Variants in ATPAF2 observed in about 807,000 individuals in gnomAD.
ATPAF2 encodes ATP synthase mitochondrial F1 complex assembly factor 2, also known as ATP12 homolog.
ATPAF2 carries 30 observed loss-of-function variants against 36.6 expected under a neutral mutation model. That is an observed-to-expected ratio of 0.82 (90% CI 0.61 to 1.11). The LOEUF is 1.11. ATPAF2 is among the 50% of genes most tolerant of loss of function. The pLI, the probability that ATPAF2 is intolerant of heterozygous loss-of-function variation, is 0.00. For synonymous variants in ATPAF2, 140 were observed against 152.6 expected (o/e 0.92, Z 0.61); for missense variants, 321 against 372.3 (o/e 0.86, Z 1.13).
chr17:18,026,300 C>T lies in ATPAF2; in HGVS notation c.422+19G>A. The T allele has an allele frequency of 6.3e-7, 1 of 1,594,374 alleles. No homozygotes were observed. Among genetic ancestry groups the T allele is most frequent in the African/African-American group, 1.3e-5 (1 of 74,628 alleles). On this transcript the variant is annotated intron_variant, in intron 4 of 7. Coordinates refer to ENST00000474627, the MANE Select transcript of ATPAF2 (RefSeq NM_145691.4). ...AATAGCCTCAATCCAAGGGGAATGCCCATCTAAATGTCCATTACCAGATGG... is the reference window on the plus strand; with the variant it reads ...AATAGCCTCAATCCAAGGGGAATGCTCATCTAAATGTCCATTACCAGATGG...
intron 3 of ATPAF2, chr17:18,026,761 C>T: frequency 2.6e-6 from 1 of 381,522 alleles, no homozygotes; most frequent in East Asian, 5.8e-5. Context: ...TTATTATGTC[C>T]ATCTGGGATG....
chr17:18,036,297 C>T (rs1483269408), intron 1 of ATPAF2, among the ~76,000 whole-genome samples: 1 of 152,040 alleles, frequency 6.6e-6, no homozygotes, highest in East Asian at 1.9e-4. Flanking sequence ...GGTCGGGGGC[C>T]GGGCGCGGTG....
At chr17:18,020,789 C>T (rs1192772299) in intron 7 of ATPAF2, 2 of 273,778 alleles carry the variant, frequency 7.3e-6, no homozygotes, top group Non-Finnish European at 1.4e-5. Context: ...AGCAATCCTC[C>T]CACGTCAGCT....
chr17:18,015,914 C>T (rs546776235), downstream of ATPAF2: 250 of 755,370 alleles, frequency 3.3e-4, 1 homozygote, highest in African/African-American at 4.0e-3. Context: ...ACAGATGAAT[C>T]GGCAGAGTGC....
chr17:18,038,778 G>A (rs921993654), intron 1 of ATPAF2, 103 bp downstream of exon 1: 1 of 1,536,548 alleles, frequency 6.5e-7, no homozygotes, highest in Non-Finnish European at 8.9e-7. Context: ...ATAACCTCAT[G>A]AGCCTGAACC....
At chr17:18,024,864 C>G in intron 4 of ATPAF2, 160 bp from the exon 5 acceptor site, 1 of 684,312 alleles carries the variant, frequency 1.5e-6, no homozygotes, top group East Asian at 2.7e-5. Context: ...AAAGTGTGGC[C>G]CTGGCACCAG....
At chr17:18,027,722 C>T in intron 3 of ATPAF2, among the ~76,000 whole-genome samples, 1 of 152,122 alleles carries the variant, frequency 6.6e-6, no homozygotes, top group Non-Finnish European at 1.5e-5. Flanking sequence ...AGGGAGTCTT[C>T]CTCACCTCAC....
intron 1 of ATPAF2, among the ~76,000 whole-genome samples, chr17:18,030,659 TTTTC>T (rs992353441): frequency 4.0e-5 from 6 of 150,402 alleles, no homozygotes; most frequent in Admixed American, 1.3e-4. Context: ...CAAATATTTT[TTTTC>T]TTTTTCTTTT....
At chr17:18,026,565 C>T in intron 3 of ATPAF2, 149 bp from the exon 4 acceptor site, 4 of 714,168 alleles carry the variant, frequency 5.6e-6, no homozygotes, top group Non-Finnish European at 1.0e-5. Flanking sequence ...AGCAGCAGCA[C>T]AGCTACTGAG....
chr17:18,016,729 G>T, downstream of ATPAF2: 2 of 1,143,858 alleles, frequency 1.7e-6, no homozygotes, highest in East Asian at 2.4e-5. Context: ...GCCAGGAGAA[G>T]GAAGTGCACA....
At chr17:18,020,678 C>CT (rs748358852) in intron 7 of ATPAF2, 2,901 of 146,318 alleles carry the variant, frequency 0.02, 91 homozygotes, top group African/African-American at 0.057. Flanking sequence ...ATTATCTTAC[C>CT]TTTTTTTTTT....
At chr17:18,022,556 A>G (rs2044483886) in intron 5 of ATPAF2, among the ~76,000 whole-genome samples, 1 of 149,712 alleles carries the variant, frequency 6.7e-6, no homozygotes, top group Non-Finnish European at 1.5e-5. Context: ...GATTACAGCC[A>G]TGAGCCACCA....
chr17:18,023,060 C>T (rs948685686), intron 5 of ATPAF2, among the ~76,000 whole-genome samples: 2 of 147,146 alleles, frequency 1.4e-5, no homozygotes, highest in Non-Finnish European at 3.0e-5. Context: ...ACCTGGGAGG[C>T]GGAGCTTGCA....
intron 1 of ATPAF2, among the ~76,000 whole-genome samples, chr17:18,030,335 A>G (rs1470430250): frequency 4.0e-5 from 6 of 149,170 alleles, no homozygotes; most frequent in African/African-American, 1.5e-4. Flanking sequence ...AAAAAAAAAA[A>G]AAAAAAAAGA....
At chr17:18,026,262 G>T in intron 4 of ATPAF2, 57 bp downstream of exon 4, 1 of 1,474,770 alleles carries the variant, frequency 6.8e-7, no homozygotes, top group South Asian at 1.1e-5. Context: ...AACCATCTGG[G>T]CAAATCAGGA....
chr17:18,038,322 C>A (rs570581070), intron 1 of ATPAF2, among the ~76,000 whole-genome samples: 41 of 152,196 alleles, frequency 2.7e-4, no homozygotes, highest in Non-Finnish European at 4.6e-4. Context: ...GTGGAGGTGA[C>A]TCCACAGTCA....
intron 1 of ATPAF2, among the ~76,000 whole-genome samples, chr17:18,032,271 C>T (rs901370570): frequency 6.6e-6 from 1 of 152,266 alleles, no homozygotes; most frequent in Non-Finnish European, 1.5e-5. Flanking sequence ...AAGGCAGGAA[C>T]TGCCAGCACA....
downstream of ATPAF2, chr17:18,016,073 G>A (rs571427963): frequency 1.6e-5 from 26 of 1,613,382 alleles, no homozygotes; most frequent in African/African-American, 4.0e-5. Flanking sequence ...GCTTTTTGTC[G>A]ATAAAGATAC....
intron 4 of ATPAF2, 101 bp downstream of exon 4, chr17:18,026,218 G>T: frequency 8.5e-7 from 1 of 1,170,196 alleles, no homozygotes; most frequent in Non-Finnish European, 1.3e-6. Context: ...CCTTGTCCTT[G>T]CAATAAATGG....
Sources: gnomAD v4.1 joint callset for allele counts (sites outside exome capture counted in the v4.1 genomes callset) on GRCh38, gnomAD v4.1.1 for gene constraint, MANE v1.5 for transcripts, NCBI Gene and HGNC (gene_info 2026-07-23, HGNC 2026-07-21) for gene names.